Variants in TPP2 observed in about 807,000 individuals in gnomAD.
The protein encoded by TPP2 is tripeptidyl-peptidase 2.
Under a neutral mutation model 155.9 loss-of-function variants are expected in TPP2, and 34 were observed. That is an observed-to-expected ratio of 0.22 (90% CI 0.17 to 0.29). The LOEUF is 0.29. Ranked by LOEUF, TPP2 falls within the 10% of genes least tolerant of loss-of-function variation. TPP2 has a pLI of 1.00. For missense variants in TPP2, 1,028 were observed against 1,522.3 expected (o/e 0.68, Z 5.40); for synonymous variants, 510 against 529.4 (o/e 0.96, Z 0.50).
chr13:102,619,257 A>C (rs1457537990), intron 5 of TPP2, among the ~76,000 whole-genome samples: 2 of 152,302 alleles, frequency 1.3e-5, no homozygotes, highest in East Asian at 3.9e-4. Context: ...AATAATAATA[A>C]TGCGATTTAT....
At chr13:102,609,886 A>T (rs1566320201) in intron 2 of TPP2, among the ~76,000 whole-genome samples, 1 of 152,204 alleles carries the variant, frequency 6.6e-6, no homozygotes, top group East Asian at 1.9e-4. Context: ...CTTTGTTGAC[A>T]TGTCAGCTTT....
intron 29 of TPP2, among the ~76,000 whole-genome samples, chr13:102,676,714 G>A (rs1885298201): frequency 6.6e-6 from 1 of 152,122 alleles, no homozygotes; most frequent in Admixed American, 6.5e-5. Context: ...TCTTTATGAA[G>A]GAAACAAATC....
intron 2 of TPP2, among the ~76,000 whole-genome samples, chr13:102,611,370 T>C (rs776308196): frequency 6.6e-6 from 1 of 152,194 alleles, no homozygotes; most frequent in Non-Finnish European, 1.5e-5. Flanking sequence ...CTTGACCAAG[T>C]GTCTGTATTA....
At chr13:102,615,671 T>G (rs1297589112) in intron 3 of TPP2, among the ~76,000 whole-genome samples, 1 of 152,092 alleles carries the variant, frequency 6.6e-6, no homozygotes, top group East Asian at 1.9e-4. Context: ...GATGCCTGCA[T>G]TGTCTGTCAA....
intron 4 of TPP2, among the ~76,000 whole-genome samples, chr13:102,617,988 G>T (rs1040528074): frequency 6.6e-6 from 1 of 152,146 alleles, no homozygotes; most frequent in Non-Finnish European, 1.5e-5. Context: ...CTCAATTTCA[G>T]TATTTATATG....
At chr13:102,599,860 A>G (rs1421351534) in intron 1 of TPP2, among the ~76,000 whole-genome samples, 1 of 152,148 alleles carries the variant, frequency 6.6e-6, no homozygotes, top group Admixed American at 6.5e-5. Context: ...TGGACTGGTC[A>G]GGTTTCACAG....
At chr13:102,635,497 GAGGGTCTAC>G in intron 11 of TPP2, 81 bp from the exon 12 acceptor site, 2 of 827,290 alleles carry the variant, frequency 2.4e-6, no homozygotes, top group South Asian at 3.2e-5. Context: ...ATTAACACCA[GAGGGTCTAC>G]AGGTGATCGA....
chr13:102,609,470 T>C (rs1418395304), intron 2 of TPP2, among the ~76,000 whole-genome samples: 1 of 133,652 alleles, frequency 7.5e-6, no homozygotes, highest in Non-Finnish European at 1.5e-5. Context: ...CGATCTCAAC[T>C]CACTGCAACA....
intron 2 of TPP2, among the ~76,000 whole-genome samples, chr13:102,611,376 T>C (rs1880304513): frequency 6.6e-6 from 1 of 152,192 alleles, no homozygotes; most frequent in Non-Finnish European, 1.5e-5. Context: ...CAAGTGTCTG[T>C]ATTAAAGGAC....
chr13:102,627,128 C>G lies in TPP2; in HGVS notation c.901C>G (p.Leu301Val), dbSNP rs754881254. 7 of 1,605,434 alleles carry G rather than the reference C, an allele frequency of 4.4e-6. No homozygotes were observed. Among genetic ancestry groups the G allele is most frequent in the Non-Finnish European group, 5.1e-6 (6 of 1,175,970 alleles). ...ILSIKIGDTR[L>V]STMETGTGLI... ...TTCCATCAAGATTGGTGATACAAGA[C>G]TAAGCACAATGGAAACAGGCACAGG... Residue 301 changes from leucine to valine, a missense_variant, in exon 7 of 30, where the codon CTA (leucine) becomes GTA (valine). Leu to Val is a conservative substitution (Grantham distance 32). Around this residue, in one of 7 missense-constraint regions of TPP2, gnomAD observed 300 missense variants for 398.3 expected, o/e 0.75. Transcript: ENST00000376052.
intron 19 of TPP2, 108 bp from the exon 20 acceptor site, chr13:102,646,186 T>G: frequency 1.4e-6 from 1 of 724,750 alleles, no homozygotes; most frequent in South Asian, 2.1e-5. Context: ...CTCAGGAAGG[T>G]TCATCTGCAC....
intron 24 of TPP2, chr13:102,654,907 G>T: frequency 2.1e-6 from 1 of 466,876 alleles, no homozygotes. Context: ...CCTACCCAGA[G>T]AGTGAACCTC....
intron 6 of TPP2, among the ~76,000 whole-genome samples, chr13:102,624,052 A>G (rs2139466165): frequency 6.6e-6 from 1 of 152,360 alleles, no homozygotes. Context: ...CGAATGTATT[A>G]TATAGCAATC....
intron 6 of TPP2, among the ~76,000 whole-genome samples, chr13:102,624,209 A>G (rs1025776475): frequency 6.6e-6 from 1 of 152,216 alleles, no homozygotes; most frequent in African/African-American, 2.4e-5. Context: ...AATGTTAAAT[A>G]TATAGATGGA....
At chr13:102,628,522 T>C (rs553036073) in intron 8 of TPP2, among the ~76,000 whole-genome samples, 2 of 152,312 alleles carry the variant, frequency 1.3e-5, no homozygotes, top group Non-Finnish European at 1.5e-5. Context: ...CAATCCATTC[T>C]AGTGTGTCTA....
At position 102,674,412 on chromosome 13, in the gene TPP2, G is replaced by A. The variant is rs910131314; in HGVS notation, c.3501G>A (p.Glu1167=). ...CCACTGATGCAGAAGGAAAGGAGGA[G>A]GAAGGAGAAAGTCCTTTGGATTCTC... ...AISTDAEGKE[E]EGESPLDSLA... The change falls in exon 28 of 30, where the codon GAG becomes GAA. Residue 1167 remains glutamate (E), a synonymous_variant. Transcript: ENST00000376052. 1.2e-6 allele frequency: 2 copies of A among 1,613,844 alleles called. No homozygotes were observed. Among genetic ancestry groups the A allele is most frequent in the Non-Finnish European group, 8.5e-7 (1 of 1,179,896 alleles).
intron 5 of TPP2, among the ~76,000 whole-genome samples, chr13:102,621,173 T>C (rs953106807): frequency 2.0e-5 from 3 of 152,228 alleles, no homozygotes; most frequent in African/African-American, 7.2e-5. Context: ...GTTGGTTGTA[T>C]TGTTGAGTCA....
At chr13:102,610,951 C>A (rs1465611169) in intron 2 of TPP2, among the ~76,000 whole-genome samples, 1 of 152,166 alleles carries the variant, frequency 6.6e-6, no homozygotes. Context: ...TTGTGATAAT[C>A]ATTCCTTTGC....
intron 10 of TPP2, among the ~76,000 whole-genome samples, chr13:102,633,745 A>G (rs1378486295): frequency 6.6e-6 from 1 of 152,238 alleles, no homozygotes; most frequent in Non-Finnish European, 1.5e-5. Flanking sequence ...TTACAAGGAA[A>G]AAATAAATGC....
Sources: gnomAD v4.1 joint callset for allele counts (sites outside exome capture counted in the v4.1 genomes callset) on GRCh38, gnomAD v4.1.1 for gene constraint, gnomAD v4.1.1 regional missense constraint, MANE v1.5 for transcripts, NCBI Gene and HGNC (gene_info 2026-07-23, HGNC 2026-07-21) for gene names.